ERP44: variants seen among roughly 807,000 people sequenced by gnomAD.
ERP44 encodes the protein endoplasmic reticulum protein 44.
In ERP44, 25 loss-of-function variants were observed where a neutral mutation model predicts 53.4. The observed-to-expected ratio is 0.47, with a 90% CI of 0.34 to 0.65. The LOEUF (loss-of-function observed/expected upper bound fraction) is 0.65, where lower values mean the gene tolerates loss of function less well. Ranked by LOEUF, ERP44 falls within the 30% of genes least tolerant of loss-of-function variation. ERP44 has a pLI of 0.01. For missense variants in ERP44, 338 were observed against 493.2 expected (o/e 0.69, Z 2.98); for synonymous variants, 145 against 161.2 (o/e 0.90, Z 0.76).
At chr9:100,044,648 T>C (rs921155065) in intron 4 of ERP44, among the ~76,000 whole-genome samples, 9 of 152,174 alleles carry the variant, frequency 5.9e-5, no homozygotes, top group East Asian at 1.9e-4. Context: ...AATAAGCAAA[T>C]TACAATTAAC....
chr9:100,013,394 T>TAAA (rs1564089687), intron 8 of ERP44, among the ~76,000 whole-genome samples: 1 of 137,770 alleles, frequency 7.3e-6, no homozygotes, highest in Non-Finnish European at 1.6e-5. Context: ...ATAATAATAA[T>TAAA]AAAACACTTT....
In ERP44 at chr9:100,098,681, G is replaced by A. The variant is rs1038605844; in HGVS notation, c.57+103C>T. ...GGAGGGTGCACTCCAAAACACTGCA[G>A]GAAAAGACGGAAAAGCAGGGGCAGG... On this transcript the variant is annotated intron_variant, in intron 1 of 11. Coordinates refer to ENST00000262455, the MANE Select transcript of ERP44 (RefSeq NM_015051.3). 18 of 996,634 alleles carry A rather than the reference G, an allele frequency of 1.8e-5. No individual in the cohort carries two copies. The East Asian group carries it at 4.0e-4, about 22-fold the overall frequency. The allele number at this position is 996,634 out of a possible 1,614,324, so 61.7% of individuals were successfully genotyped here.
intron 10 of ERP44, 84 bp from the exon 11 acceptor site, chr9:99,985,153 T>C (rs1208857096): frequency 3.0e-5 from 26 of 863,374 alleles, no homozygotes; most frequent in Non-Finnish European, 4.5e-5. Context: ...AAAAAACTTT[T>C]GCTAACCTAT....
chr9:100,070,171 T>C (rs1412125323), intron 1 of ERP44, among the ~76,000 whole-genome samples: 1 of 152,218 alleles, frequency 6.6e-6, no homozygotes, highest in Non-Finnish European at 1.5e-5. Flanking sequence ...TGCACTGTAA[T>C]TCTTACCCAG....
chr9:100,070,212 G>T (rs1826284825), intron 1 of ERP44, among the ~76,000 whole-genome samples: 1 of 152,150 alleles, frequency 6.6e-6, no homozygotes. Context: ...TACCTTAAGA[G>T]AATCTACATA....
intron 2 of ERP44, 71 bp from the exon 3 acceptor site, chr9:100,057,930 T>A (rs1372384848): frequency 3.3e-6 from 4 of 1,223,784 alleles, no homozygotes; most frequent in Non-Finnish European, 4.8e-6. Flanking sequence ...ACAGTTTCAT[T>A]ATGATCTTTG....
intron 11 of ERP44, among the ~76,000 whole-genome samples, chr9:99,984,302 T>C (rs1336095172): frequency 1.3e-5 from 2 of 152,136 alleles, no homozygotes; most frequent in Non-Finnish European, 2.9e-5. Context: ...GTAATAGGCA[T>C]GATAGAAATC....
intron 10 of ERP44, among the ~76,000 whole-genome samples, chr9:99,995,326 C>T (rs1301062256): frequency 6.6e-6 from 1 of 152,090 alleles, no homozygotes; most frequent in East Asian, 1.9e-4. Flanking sequence ...GGTCTGAATG[C>T]CTTTCATTTA....
intron 8 of ERP44, among the ~76,000 whole-genome samples, chr9:100,012,323 G>T (rs1459954087): frequency 1.3e-5 from 2 of 152,106 alleles, no homozygotes; most frequent in Admixed American, 1.3e-4. Context: ...ATTTAAGCTT[G>T]CAGGCTTAAA....
At chr9:100,069,053 G>A (rs937508041) in intron 1 of ERP44, among the ~76,000 whole-genome samples, 7 of 152,028 alleles carry the variant, frequency 4.6e-5, no homozygotes, top group African/African-American at 1.4e-4. Flanking sequence ...GATTAAGGGC[G>A]GTGCAAGATG....
At chr9:100,046,898 G>A (rs1338727229) in intron 4 of ERP44, among the ~76,000 whole-genome samples, 1 of 152,102 alleles carries the variant, frequency 6.6e-6, no homozygotes, top group Non-Finnish European at 1.5e-5. Flanking sequence ...AGTAATCTAC[G>A]AAGTACTGGT....
intron 1 of ERP44, among the ~76,000 whole-genome samples, chr9:100,070,717 C>G (rs1826291452): frequency 6.6e-6 from 1 of 152,128 alleles, no homozygotes; most frequent in Non-Finnish European, 1.5e-5. Context: ...TTAATCAAGC[C>G]CAAGAAACTA....
intron 1 of ERP44, among the ~76,000 whole-genome samples, chr9:100,091,607 C>A (rs1399549849): frequency 6.6e-6 from 1 of 152,194 alleles, no homozygotes; most frequent in Non-Finnish European, 1.5e-5. Flanking sequence ...TTGAGAGGCA[C>A]TGCCCTTTTT....
intron 4 of ERP44, among the ~76,000 whole-genome samples, chr9:100,038,211 T>G (rs1825863626): frequency 6.6e-6 from 1 of 152,056 alleles, no homozygotes; most frequent in Non-Finnish European, 1.5e-5. Context: ...ACAGAAAATA[T>G]TATAACACTA....
chr9:100,019,897 T>TCAAAC (rs1451457108), intron 6 of ERP44, among the ~76,000 whole-genome samples: 1 of 152,100 alleles, frequency 6.6e-6, no homozygotes, highest in African/African-American at 2.4e-5. Context: ...AAAGTTAGCT[T>TCAAAC]CCAAAAGGTT....
In ERP44 at chr9:100,005,259, GA is replaced by G. The variant is rs1269764463; in HGVS notation, c.1016+1246del. Among the ~76,000 whole-genome samples the G allele has an allele frequency of 7.2e-5, 11 of 152,242 alleles. No homozygotes were observed. In the East Asian group the frequency reaches 2.1e-3, roughly 29 times the overall value. ...GGCATCAATATCGCCAGAAATCCTG[GA>G]TCAGGTACTACTCTGTTGATCTCTG... On this transcript the variant is annotated intron_variant, in intron 10 of 11. Coordinates refer to ENST00000262455, the MANE Select transcript of ERP44 (RefSeq NM_015051.3).
At chr9:100,053,252 A>G (rs1249681468) in intron 3 of ERP44, among the ~76,000 whole-genome samples, 1 of 152,214 alleles carries the variant, frequency 6.6e-6, no homozygotes, top group Non-Finnish European at 1.5e-5. Context: ...TACTAAATAC[A>G]GTAAGTCCAG....
At chr9:100,095,446 T>C (rs570752546) in intron 1 of ERP44, among the ~76,000 whole-genome samples, 2 of 151,974 alleles carry the variant, frequency 1.3e-5, no homozygotes, top group Admixed American at 6.6e-5. Flanking sequence ...TGCTGTTTAT[T>C]TTTTTTTAAA....
At chr9:100,067,906 C>T (rs1199631322) in intron 1 of ERP44, among the ~76,000 whole-genome samples, 2 of 147,208 alleles carry the variant, frequency 1.4e-5, no homozygotes, top group East Asian at 2.1e-4. Flanking sequence ...AGTGAGGAGC[C>T]CCTCCGCCCG....
Sources: allele counts gnomAD v4.1 joint callset (sites outside exome capture counted in the v4.1 genomes callset), GRCh38; gene constraint gnomAD v4.1.1; transcripts MANE v1.5; gene names NCBI Gene and HGNC (gene_info 2026-07-23, HGNC 2026-07-21).